The following PLXNA4 variants were observed in gnomAD, a reference collection of about 807,000 sequenced individuals.
PLXNA4 encodes the protein plexin-A4.
A neutral mutation model predicts 191.8 loss-of-function variants in PLXNA4; 44 were observed. That is an observed-to-expected ratio of 0.23 (90% CI 0.18 to 0.29). The LOEUF is 0.29. PLXNA4 is among the 10% of genes least tolerant of loss of function. PLXNA4 has a pLI of 1.00. For missense variants in PLXNA4, 1,800 were observed against 2,488.8 expected, an observed-to-expected ratio of 0.72 and a Z score of 5.89; for synonymous variants, 1,082 against 1,009.5, an observed-to-expected ratio of 1.07 and a Z score of -1.36.
At chr7:132,181,246 AC>A in intron 18 of PLXNA4, 134 bp downstream of exon 18, 1 of 1,452,820 alleles carries the variant, frequency 6.9e-7, no homozygotes, top group South Asian at 1.3e-5. Flanking sequence ...AACATTTATC[AC>A]ACTCTGGGCT....
At chr7:132,380,236 T>C (rs750587299) in intron 3 of PLXNA4, among the ~76,000 whole-genome samples, 6 of 152,200 alleles carry the variant, frequency 3.9e-5, no homozygotes, top group Non-Finnish European at 7.3e-5. Context: ...CTCAACTCCC[T>C]GTAGAGAGCA....
intron 3 of PLXNA4, among the ~76,000 whole-genome samples, chr7:132,328,102 A>T (rs1802443465): frequency 1.3e-5 from 2 of 152,142 alleles, no homozygotes; most frequent in African/African-American, 4.8e-5. Flanking sequence ...ATTTTCCTTT[A>T]GGCGTCTGAC....
intron 10 of PLXNA4, 80 bp downstream of exon 10, chr7:132,210,863 T>C (rs373365664): frequency 6.7e-7 from 1 of 1,483,626 alleles, no homozygotes. Context: ...AGGGCTGAGC[T>C]GATTTGGCTC....
chr7:132,369,492 G>A (rs1804336958), intron 3 of PLXNA4, among the ~76,000 whole-genome samples: 1 of 152,104 alleles, frequency 6.6e-6, no homozygotes, highest in African/African-American at 2.4e-5. Flanking sequence ...TGCTTGCACT[G>A]GCTTGGCTAA....
At chr7:132,135,099 C>A (rs1795074660) in intron 30 of PLXNA4, among the ~76,000 whole-genome samples, 1 of 152,222 alleles carries the variant, frequency 6.6e-6, no homozygotes, top group Admixed American at 6.5e-5. Flanking sequence ...CCTTGCCATT[C>A]CCAAGGAGAT....
intron 3 of PLXNA4, among the ~76,000 whole-genome samples, chr7:132,364,681 C>T (rs1019948702): frequency 6.6e-6 from 1 of 152,196 alleles, no homozygotes; most frequent in African/African-American, 2.4e-5. Flanking sequence ...CAAACATACC[C>T]ATTCCGTGGT....
intron 3 of PLXNA4, among the ~76,000 whole-genome samples, chr7:132,481,237 A>T (rs983612082): frequency 6.6e-6 from 1 of 152,108 alleles, no homozygotes; most frequent in Non-Finnish European, 1.5e-5. Flanking sequence ...TAGCATGGAC[A>T]TCAGGGCCTG....
At chr7:132,609,443 C>T (rs147968156) in intron 2 of PLXNA4, among the ~76,000 whole-genome samples, 2 of 152,246 alleles carry the variant, frequency 1.3e-5, no homozygotes, top group African/African-American at 4.8e-5. Context: ...TGGGCAATGT[C>T]CTGGAGTGAT....
At chr7:132,542,369 G>A (rs1800122308) in intron 1 of PLXNA4, among the ~76,000 whole-genome samples, 1 of 152,120 alleles carries the variant, frequency 6.6e-6, no homozygotes, top group African/African-American at 2.4e-5. Flanking sequence ...AGGGCGTGGG[G>A]GAATAGTATA....
intron 3 of PLXNA4, among the ~76,000 whole-genome samples, chr7:132,362,516 C>T (rs574402792): frequency 2.2e-4 from 34 of 152,212 alleles, no homozygotes; most frequent in Non-Finnish European, 4.1e-4. Context: ...CTGCAACTTG[C>T]ACGCTAACTC....
intron 3 of PLXNA4, among the ~76,000 whole-genome samples, chr7:132,485,527 A>T (rs1253914789): frequency 1.3e-5 from 2 of 152,242 alleles, no homozygotes. Context: ...GAAATATTCA[A>T]GCAAAGAAAT....
intron 5 of PLXNA4, among the ~76,000 whole-genome samples, chr7:132,236,284 C>T (rs2117017982): frequency 6.6e-6 from 1 of 152,264 alleles, no homozygotes; most frequent in East Asian, 1.9e-4. Flanking sequence ...TTCCTTCTTC[C>T]TCTCTTGCTG....
intron 2 of PLXNA4, among the ~76,000 whole-genome samples, chr7:132,634,420 G>T (rs568427016): frequency 6.6e-6 from 1 of 151,290 alleles, no homozygotes; most frequent in Non-Finnish European, 1.5e-5. Context: ...GGAGTGAGTA[G>T]GGGTCTGACA....
rs1488188397 is a variant in PLXNA4 at position 132,508,776 on chromosome 7, C to T, written c.-83G>A. The T allele has an allele frequency of 6.3e-6, 9 of 1,436,772 alleles. No individual in the cohort carries two copies. In the East Asian group the frequency reaches 1.3e-4, roughly 20 times the overall value. 89.0% of individuals were successfully genotyped at this position (1,436,772 alleles called of 1,614,324 possible). On this transcript the variant is annotated 5_prime_UTR_variant, in exon 2 of 32. Transcript: ENST00000321063. This position sits in a 1 kb window ranked among gnomAD's most constrained non-coding sequence, Gnocchi z 4.4. ...GCCAGGACTCAGCAATGCAGTCTCC[C>T]CTACTGGAGAAAGGGAAGACAATGA...
chr7:132,275,736 A>G (rs2116358550), intron 4 of PLXNA4, among the ~76,000 whole-genome samples: 1 of 152,298 alleles, frequency 6.6e-6, no homozygotes, highest in South Asian at 2.1e-4. Context: ...ACCTGGGTCT[A>G]GCACTCCTCT....
At chr7:132,282,656 A>C (rs1800527571) in intron 4 of PLXNA4, among the ~76,000 whole-genome samples, 1 of 109,358 alleles carries the variant, frequency 9.1e-6, no homozygotes, top group Admixed American at 1.2e-4. Flanking sequence ...AAAAAAAAAA[A>C]AAAAAGAAGC....
At chr7:132,438,329 G>A (rs1795554320) in intron 3 of PLXNA4, among the ~76,000 whole-genome samples, 1 of 152,110 alleles carries the variant, frequency 6.6e-6, no homozygotes, top group Admixed American at 6.6e-5. Context: ...ATAAAGCACG[G>A]GACATAGGGC....
intron 1 of PLXNA4, among the ~76,000 whole-genome samples, chr7:132,555,045 G>GAAAAAAAAAAAAAAAA (rs1554467852): frequency 2.5e-4 from 28 of 111,878 alleles, no homozygotes; most frequent in African/African-American, 5.2e-4. Context: ...AAACCTGAAG[G>GAAAAAAAAAAAAAAAA]AAAAAAAAAA....
At chr7:132,468,374 A>T (rs1267060188) in intron 3 of PLXNA4, among the ~76,000 whole-genome samples, 1 of 152,198 alleles carries the variant, frequency 6.6e-6, no homozygotes, top group African/African-American at 2.4e-5. Flanking sequence ...CATATGCCGT[A>T]TGTATTCTAT....
Sources: gnomAD v4.1 joint callset for allele counts (sites outside exome capture counted in the v4.1 genomes callset) on GRCh38, gnomAD v4.1.1 for gene constraint, Gnocchi (gnomAD v3.1) non-coding constraint, MANE v1.5 for transcripts, NCBI Gene and HGNC (gene_info 2026-07-23, HGNC 2026-07-21) for gene names.